Variants in PDE4D observed in about 807,000 individuals in gnomAD.
PDE4D encodes the protein 3',5'-cyclic-AMP phosphodiesterase 4D.
A neutral mutation model predicts 87.4 loss-of-function variants in PDE4D; 24 were observed. That is an observed-to-expected ratio of 0.27 (90% CI 0.20 to 0.39). The LOEUF (loss-of-function observed/expected upper bound fraction) is 0.39. PDE4D is among the 10% of genes least tolerant of loss of function. The pLI is 1.00. For synonymous variants in PDE4D, 384 were observed against 383.2 expected, an observed-to-expected ratio of 1.00 and a Z score of -0.02; for missense variants, 714 against 1,041.0, an observed-to-expected ratio of 0.69 and a Z score of 4.32.
intron 6 of PDE4D, chr5:59,002,172 C>A: frequency 8.0e-6 from 3 of 376,978 alleles, no homozygotes; most frequent in Admixed American, 7.3e-5. Flanking sequence ...AAGTTGAGAC[C>A]TAGAGAGAAA....
intron 1 of PDE4D, among the ~76,000 whole-genome samples, chr5:59,522,227 TATAA>T: frequency 3.3e-5 from 5 of 152,360 alleles, no homozygotes; most frequent in Admixed American, 3.3e-4. Flanking sequence ...GTTCTTGAAC[TATAA>T]ATAACCACAT....
intron 6 of PDE4D, among the ~76,000 whole-genome samples, chr5:58,994,102 T>A (rs562883329): frequency 3.7e-4 from 57 of 152,294 alleles, no homozygotes; most frequent in African/African-American, 1.2e-3. Flanking sequence ...CTGTATAATG[T>A]TTCCTTTTAA....
intron 1 of PDE4D, among the ~76,000 whole-genome samples, chr5:59,454,660 A>G (rs1799651800): frequency 6.6e-6 from 1 of 152,206 alleles, no homozygotes; most frequent in African/African-American, 2.4e-5. Context: ...TGACTTTGGA[A>G]CTGGATAACA....
At chr5:59,427,007 AC>A (rs1795341225) in intron 1 of PDE4D, among the ~76,000 whole-genome samples, 4 of 27,844 alleles carry the variant, frequency 1.4e-4, no homozygotes, top group African/African-American at 1.4e-3. Flanking sequence ...ATACACACAC[AC>A]ACACACACAC....
chr5:60,202,062 T>C (rs1741980150), intron 1 of PDE4D, among the ~76,000 whole-genome samples: 1 of 152,224 alleles, frequency 6.6e-6, no homozygotes, highest in Admixed American at 6.5e-5. Flanking sequence ...AAAGAAAATA[T>C]ATGTGAACGT....
chr5:58,970,895 T>A lies in PDE4D; in HGVS notation c.*3769A>T, dbSNP rs1742492574. 6.8e-6 allele frequency: 1 copy of A among 147,716 alleles called. No individual in the cohort carries two copies. Among genetic ancestry groups the A allele is most frequent in the Non-Finnish European group, 1.5e-5 (1 of 67,444 alleles). The allele number at this position is 147,716 out of a possible 1,614,324, so 9.2% of individuals were successfully genotyped here. On this transcript the variant is annotated 3_prime_UTR_variant, in exon 15 of 15. Coordinates refer to ENST00000340635, the MANE Select transcript of PDE4D (RefSeq NM_001104631.2). ...CTGGGAAAGAATATATTTCCCCAGTTGTGTTTCCGAGTTAAAAAAAAAAAA... is the reference window on the plus strand; with the variant it reads ...CTGGGAAAGAATATATTTCCCCAGTAGTGTTTCCGAGTTAAAAAAAAAAAA...
chr5:60,025,454 T>C (rs1766526844), intron 2 of PDE4D, among the ~76,000 whole-genome samples: 1 of 152,170 alleles, frequency 6.6e-6, no homozygotes, highest in South Asian at 2.1e-4. Context: ...AAAGCAGACA[T>C]AGTCTTAACT....
At chr5:59,751,370 A>ATAAT (rs1760429656) in intron 1 of PDE4D, among the ~76,000 whole-genome samples, 1 of 152,162 alleles carries the variant, frequency 6.6e-6, no homozygotes, top group Non-Finnish European at 1.5e-5. Flanking sequence ...AAAGTAGAAG[A>ATAAT]GCAGTAGCTA....
At chr5:59,234,610 T>C (rs1010887650) in intron 1 of PDE4D, among the ~76,000 whole-genome samples, 9 of 152,142 alleles carry the variant, frequency 5.9e-5, no homozygotes, top group Non-Finnish European at 1.3e-4. Flanking sequence ...AGAACCTCCA[T>C]CTCCAGCCTG....
At chr5:59,176,126 G>A (rs1464621090) in intron 5 of PDE4D, among the ~76,000 whole-genome samples, 1 of 152,088 alleles carries the variant, frequency 6.6e-6, no homozygotes, top group East Asian at 1.9e-4. Flanking sequence ...TTTTATAAAT[G>A]CAAACTTCAA....
chr5:59,110,622 A>G (rs562736031), intron 5 of PDE4D, among the ~76,000 whole-genome samples: 33 of 152,288 alleles, frequency 2.2e-4, no homozygotes, highest in Non-Finnish European at 4.3e-4. Flanking sequence ...CTGTAATCCC[A>G]GCATTTTGGG....
intron 1 of PDE4D, among the ~76,000 whole-genome samples, chr5:59,847,108 C>T (rs1283143279): frequency 1.3e-5 from 2 of 151,916 alleles, no homozygotes; most frequent in Non-Finnish European, 1.5e-5. Flanking sequence ...CCCAGGCACA[C>T]AAGGCTGCTC....
intron 1 of PDE4D, among the ~76,000 whole-genome samples, chr5:60,266,782 G>A (rs951562830): frequency 3.3e-5 from 5 of 152,202 alleles, no homozygotes; most frequent in African/African-American, 1.2e-4. Flanking sequence ...TCTTCTCAGG[G>A]CTATCGGTGA....
At chr5:59,164,773 G>T (rs892495257) in intron 5 of PDE4D, among the ~76,000 whole-genome samples, 2 of 152,054 alleles carry the variant, frequency 1.3e-5, no homozygotes, top group African/African-American at 4.8e-5. Flanking sequence ...CTTGTTAAAC[G>T]TTGGGTAAGG....
intron 2 of PDE4D, among the ~76,000 whole-genome samples, chr5:60,028,564 C>A (rs2152857764): frequency 6.6e-6 from 1 of 152,272 alleles, no homozygotes; most frequent in Admixed American, 6.5e-5. Context: ...CAAAACCTTT[C>A]ATGGTTGCCG....
At chr5:60,129,327 A>T (rs1444094476) in intron 2 of PDE4D, among the ~76,000 whole-genome samples, 1 of 152,210 alleles carries the variant, frequency 6.6e-6, no homozygotes, top group African/African-American at 2.4e-5. Flanking sequence ...AGGGCCAACA[A>T]TGGTATAATA....
At chr5:60,482,777 C>T (rs1369631948) in intron 1 of PDE4D, among the ~76,000 whole-genome samples, 3 of 152,130 alleles carry the variant, frequency 2.0e-5, no homozygotes, top group African/African-American at 7.2e-5. Flanking sequence ...AATGTATTTC[C>T]TGGAATGGTA....
At chr5:59,642,563 A>G (rs1422253803) in intron 1 of PDE4D, among the ~76,000 whole-genome samples, 2 of 152,110 alleles carry the variant, frequency 1.3e-5, no homozygotes, top group East Asian at 1.9e-4. Context: ...AGGGGTTTCC[A>G]CTTTTGCATC....
chr5:60,439,851 T>C (rs140775951), intron 1 of PDE4D, among the ~76,000 whole-genome samples: 1 of 152,080 alleles, frequency 6.6e-6, no homozygotes, highest in East Asian at 1.9e-4. Context: ...CTGGGTGCAA[T>C]TTTAAAAGTA....
Sources: allele counts gnomAD v4.1 joint callset (sites outside exome capture counted in the v4.1 genomes callset), GRCh38; gene constraint gnomAD v4.1.1; transcripts MANE v1.5; gene names NCBI Gene and HGNC (gene_info 2026-07-23, HGNC 2026-07-21).